Variants in UGT1A1 observed in about 807,000 individuals in gnomAD.
UGT1A1 encodes the protein UDP-glucuronosyltransferase 1A1.
In UGT1A1, 33 loss-of-function variants were observed where a neutral mutation model predicts 40.6. The observed-to-expected ratio is 0.81, with a 90% CI of 0.62 to 1.09. The LOEUF is 1.09. Among genes scored for constraint, UGT1A1 ranks in the 50% least tolerant of loss-of-function variants. UGT1A1 has a pLI of 0.00. For missense variants in UGT1A1, 694 were observed against 671.2 expected (o/e 1.03, Z -0.38); for synonymous variants, 249 against 265.0 (o/e 0.94, Z 0.59).
intron 4 of UGT1A1, 90 bp downstream of exon 4, chr2:233,768,529 G>A (rs1019700183): frequency 2.7e-6 from 4 of 1,508,186 alleles, no homozygotes; most frequent in Non-Finnish European, 3.5e-6. Flanking sequence ...GCATTTAATA[G>A]CGTTGTTTCA....
At chr2:233,767,657 C>T (rs1486356449) in intron 2 of UGT1A1, among the ~76,000 whole-genome samples, 192 bp from the exon 3 acceptor site, 2 of 152,174 alleles carry the variant, frequency 1.3e-5, no homozygotes, top group Non-Finnish European at 2.9e-5. Flanking sequence ...AGTGCATACA[C>T]CCTTGTAACT....
chr2:233,766,305 G>A (rs1441767002), intron 1 of UGT1A1, among the ~76,000 whole-genome samples: 4 of 152,018 alleles, frequency 2.6e-5, no homozygotes, highest in African/African-American at 7.2e-5. Flanking sequence ...GCTCTCCTCC[G>A]ACTGCCTCAG....
rs760019185 is a variant in UGT1A1, at chr2:233,760,846, C to T, written c.559C>T (p.Pro187Ser). 1 of 1,613,970 alleles carries T rather than the reference C, an allele frequency of 6.2e-7. No individual in the cohort carries two copies. Among genetic ancestry groups the T allele is most frequent in the Non-Finnish European group, 8.5e-7 (1 of 1,179,912 alleles). Residue 187 changes from proline (P) to serine (S), a missense_variant, in exon 1 of 5, where the codon CCC becomes TCC. Coordinates refer to ENST00000305208, the MANE Select transcript of UGT1A1 (RefSeq NM_000463.3). ...CSLEFEATQCPNPFSYVPRPL... is the reference protein window; with the variant it reads ...CSLEFEATQCSNPFSYVPRPL... ...CCTGGAATTTGAGGCTACCCAGTGC[C>T]CCAACCCATTCTCCTACGTGCCCAG... is the stretch of plus-strand genomic sequence containing the variant.
At position 233,773,221 on chromosome 2, in the gene UGT1A1, T is replaced by C. The variant is rs1191094075; in HGVS notation, c.*662T>C. ...ATTTGATAAAAACCCAAAATACAGC[T>C]ATGAAGTGCTGGGCAAGTTTACTTT... On this transcript the variant is annotated 3_prime_UTR_variant, in exon 5 of 5. Coordinates refer to ENST00000305208, the MANE Select transcript of UGT1A1 (RefSeq NM_000463.3). The C allele has an allele frequency of 6.6e-6, 1 of 152,384 alleles. No individual in the cohort carries two copies. The highest frequency in any genetic ancestry group is 2.4e-5 in the African/African-American group (1 of 41,462). 9.4% of individuals were successfully genotyped at this position (152,384 alleles called of 1,614,324 possible). A position where few individuals can be genotyped will look rare whatever the true frequency, so the allele number is the denominator to read the frequency against.
chr2:233,760,272 C>A lies in UGT1A1; in HGVS notation c.-16C>A, dbSNP rs2125981625. On this transcript the variant is annotated 5_prime_UTR_variant, in exon 1 of 5. Coordinates refer to ENST00000305208, the MANE Select transcript of UGT1A1 (RefSeq NM_000463.3). Reference sequence around the variant, plus strand: ...TAAGTAGGAGAGGGCGAACCTCTGGCAGGAGCAAAGGCGCCATGGCTGTGG... The same window carrying A: ...TAAGTAGGAGAGGGCGAACCTCTGGAAGGAGCAAAGGCGCCATGGCTGTGG... 1 of 1,612,378 alleles carries A rather than the reference C, an allele frequency of 6.2e-7. No individual in the cohort carries two copies. The highest frequency in any genetic ancestry group is 8.5e-7 in the Non-Finnish European group (1 of 1,179,922).
In UGT1A1 at chr2:233,773,267, C is replaced by T. The variant is rs1428279395; in HGVS notation, c.*708C>T. ...ACTTTTTTTCTGATGTTTCCTACAA[C>T]TAAAAATAAATTAATAAATTTATAT... On this transcript the variant is annotated 3_prime_UTR_variant, in exon 5 of 5. Transcript: ENST00000305208. 6.6e-6 allele frequency: 1 copy of T among 152,172 alleles called. No individual in the cohort carries two copies. Among genetic ancestry groups the T allele is most frequent in the Non-Finnish European group, 1.5e-5 (1 of 68,020 alleles). The allele number at this position is 152,172 out of a possible 1,614,324, so 9.4% of individuals were successfully genotyped here. A position where few individuals can be genotyped will look rare whatever the true frequency, so the allele number is the denominator to read the frequency against.
rs2125983730 is a variant in UGT1A1, at chr2:233,760,415, T to A, written c.128T>A (p.Met43Lys). 6.2e-7 allele frequency: 1 copy of A among 1,614,208 alleles called. No homozygotes were observed. The highest frequency in any genetic ancestry group is 8.5e-7 in the Non-Finnish European group (1 of 1,180,026). Residue 43 changes from methionine (M) to lysine (K), a missense_variant, in exon 1 of 5, where the codon ATG becomes AAG. Transcript: ENST00000305208. ...IPVDGSHWLS[M>K]LGAIQQLQQR... The stretch of plus-strand genomic sequence containing the variant: ...GTGGATGGCAGCCACTGGCTGAGCA[T>A]GCTTGGGGCCATCCAGCAGCTGCAG...
At position 233,760,305 on chromosome 2, in the gene UGT1A1, G is replaced by A. The variant is rs745957787; in HGVS notation, c.18G>A (p.Gln6=). 3.7e-6 allele frequency: 6 copies of A among 1,613,702 alleles called. No homozygotes were observed. The highest frequency in any genetic ancestry group is 5.1e-6 in the Non-Finnish European group (6 of 1,179,974). Residue 6 remains glutamine, a synonymous_variant, in exon 1 of 5, where the codon CAG becomes CAA. Coordinates refer to ENST00000305208, the MANE Select transcript of UGT1A1 (RefSeq NM_000463.3). ...AAGGCGCCATGGCTGTGGAGTCCCAGGGCGGACGCCCACTTGTCCTGGGCC... is the reference window on the plus strand; with the variant it reads ...AAGGCGCCATGGCTGTGGAGTCCCAAGGCGGACGCCCACTTGTCCTGGGCC... MAVES[Q]GGRPLVLGLL...
In UGT1A1 at chr2:233,760,852, C is replaced by A. The variant is rs770420506; in HGVS notation, c.565C>A (p.Pro189Thr). ...LEFEATQCPN[P>T]FSYVPRPLSS... ...ATTTGAGGCTACCCAGTGCCCCAAC[C>A]CATTCTCCTACGTGCCCAGGCCTCT... The change falls in exon 1 of 5, where the codon CCA becomes ACA. Residue 189 changes from proline (P) to threonine (T), a missense_variant. Physicochemically the swap from Pro to Thr is conservative, Grantham distance 38. Coordinates refer to ENST00000305208, the MANE Select transcript of UGT1A1 (RefSeq NM_000463.3). The A allele has an allele frequency of 2.5e-6, 4 of 1,614,068 alleles. No individual in the cohort carries two copies. Among genetic ancestry groups the A allele is most frequent in the Non-Finnish European group, 3.4e-6 (4 of 1,179,960 alleles).
At position 233,769,005 on chromosome 2, in the gene UGT1A1, C is replaced by G. The variant is rs929159668; in HGVS notation, c.1304+566C>G. 2.0e-5 allele frequency among the ~76,000 whole-genome samples: 3 copies of G among 152,020 alleles called. No individual in the cohort carries two copies. Among genetic ancestry groups the G allele is most frequent in the South Asian group, 4.2e-4 (2 of 4,812 alleles). ...TATTTCCCCCATTAGATTTAAAACT[C>G]CAATTTACATAAAAAGTTGCCATAA... On this transcript the variant is annotated intron_variant, in intron 4 of 4. Transcript: ENST00000305208. This position sits in a 1 kb window ranked among gnomAD's most constrained non-coding sequence, Gnocchi z 4.4.
chr2:233,761,272 T>C (rs1697733623), intron 1 of UGT1A1, 121 bp downstream of exon 1: 1 of 1,579,126 alleles, frequency 6.3e-7, no homozygotes, highest in African/African-American at 1.3e-5. Flanking sequence ...AATGCCCTCT[T>C]TTGTTAATTT....
intron 4 of UGT1A1, 101 bp from the exon 5 acceptor site, chr2:233,772,161 T>C: frequency 6.4e-7 from 1 of 1,566,196 alleles, no homozygotes; most frequent in Non-Finnish European, 8.7e-7. Context: ...CTTTCCCAAG[T>C]TTGGAAAATC....
Position 233,760,956 on chromosome 2 carries a change from C to T in UGT1A1, c.669C>T (p.Cys223=), listed in dbSNP as rs770299996. The T allele has an allele frequency of 1.7e-5, 27 of 1,614,098 alleles. No individual in the cohort carries two copies. Among genetic ancestry groups the T allele is most frequent in the African/African-American group, 2.7e-5 (2 of 74,934 alleles). ...MLIAFSQNFL[C]DVVYSPYATL... ...TTGCCTTTTCACAGAACTTTCTGTG[C>T]GACGTGGTTTATTCCCCGTATGCAA... The change falls in exon 1 of 5, where the codon TGC becomes TGT. Residue 223 remains cysteine, a synonymous_variant. Coordinates refer to ENST00000305208, the MANE Select transcript of UGT1A1 (RefSeq NM_000463.3).
In UGT1A1 at chr2:233,772,840, C is replaced by G. The variant is rs1271510565; in HGVS notation, c.*281C>G. 15 of 833,784 alleles carry G rather than the reference C, an allele frequency of 1.8e-5. No homozygotes were observed. The highest frequency in any genetic ancestry group is 3.3e-5 in the Admixed American group (1 of 29,978). The allele number at this position is 833,784 out of a possible 1,614,324, so 51.6% of individuals were successfully genotyped here. A position where few individuals can be genotyped will look rare whatever the true frequency, so the allele number is the denominator to read the frequency against. On this transcript the variant is annotated 3_prime_UTR_variant, in exon 5 of 5. Transcript: ENST00000305208. ...GCAGACAGGCTGGCATTCTAGATTACTTTTCTTACTCTGAAACATGGCCTG... is the reference window on the plus strand; with the variant it reads ...GCAGACAGGCTGGCATTCTAGATTAGTTTTCTTACTCTGAAACATGGCCTG...
chr2:233,772,478 T>C lies in UGT1A1; in HGVS notation c.1521T>C (p.Phe507=). ...AVVLTVAFIT[F]KCCAYGYRKC... Reference sequence around the variant, plus strand: ...TGCTGACAGTGGCCTTCATCACCTTTAAATGTTGTGCTTATGGCTACCGGA... The same window carrying C: ...TGCTGACAGTGGCCTTCATCACCTTCAAATGTTGTGCTTATGGCTACCGGA... The change falls in exon 5 of 5, where the codon TTT becomes TTC. Residue 507 remains phenylalanine (F), a synonymous_variant. Transcript: ENST00000305208. 1 of 1,614,184 alleles carries C rather than the reference T, an allele frequency of 6.2e-7. No homozygotes were observed. Among genetic ancestry groups the C allele is most frequent in the South Asian group, 1.1e-5 (1 of 91,086 alleles).
Position 233,760,349 on chromosome 2 carries a change from G to C in UGT1A1, c.62G>C (p.Gly21Ala). The change falls in exon 1 of 5, where the codon GGC becomes GCC. Residue 21 changes from glycine to alanine, a missense_variant. Physicochemically the swap from Gly to Ala is moderately conservative, Grantham distance 60. Coordinates refer to ENST00000305208, the MANE Select transcript of UGT1A1 (RefSeq NM_000463.3). ...CTGGGCCTGCTGCTGTGTGTGCTGG[G>C]CCCAGTGGTGTCCCATGCTGGGAAG... is the stretch of plus-strand genomic sequence containing the variant. ...LVLGLLLCVL[G>A]PVVSHAGKIL... 4 of 1,614,050 alleles carry C rather than the reference G, an allele frequency of 2.5e-6. No homozygotes were observed. The Middle Eastern group carries it at 5.0e-4, about 200-fold the overall frequency.
At position 233,763,858 on chromosome 2, in the gene UGT1A1, C is replaced by T. The variant is rs577598991; in HGVS notation, c.864+2707C>T. ...GGGTAAGATAGCAGTGGTTCACAGA[C>T]AATCGCAATGCTGGGTCTGAGAAAA... On this transcript the variant is annotated intron_variant, in intron 1 of 4. Transcript: ENST00000305208. 5.1e-4 allele frequency among the ~76,000 whole-genome samples: 77 copies of T among 152,246 alleles called. 2 individuals carry two copies. The South Asian group carries it at 0.016, about 31-fold the overall frequency.
chr2:233,767,826 T>C (rs1204368520), intron 2 of UGT1A1, 23 bp from the exon 3 acceptor site: 5 of 1,614,208 alleles, frequency 3.1e-6, no homozygotes, highest in South Asian at 2.2e-5. Flanking sequence ...TTCTTTACGT[T>C]CTGCTCTTTT....
rs770433443 is a variant in UGT1A1 at position 233,767,890 on chromosome 2, G to T, written c.1038G>T (p.Ala346=). The T allele has an allele frequency of 4.3e-6, 7 of 1,614,094 alleles. No individual in the cohort carries two copies. Among genetic ancestry groups the T allele is most frequent in the Non-Finnish European group, 1.7e-6 (2 of 1,180,038 alleles). The change falls in exon 3 of 5, where the codon GCG becomes GCT. Residue 346 remains alanine, a synonymous_variant. Transcript: ENST00000305208. ...RYTGTRPSNL[A]NNTILVKWLP... is the part of the protein sequence containing the mutation. ...CTGGAACCCGACCATCGAATCTTGC[G>T]AACAACACGATACTTGTTAAGTGGC...
Sources: gnomAD v4.1 joint callset for allele counts (sites outside exome capture counted in the v4.1 genomes callset) on GRCh38, gnomAD v4.1.1 for gene constraint, Gnocchi (gnomAD v3.1) non-coding constraint, MANE v1.5 for transcripts, NCBI Gene and HGNC (gene_info 2026-07-23, HGNC 2026-07-21) for gene names.